Variants in BCLAF1 observed in about 807,000 individuals in gnomAD.
BCLAF1 encodes bcl-2-associated transcription factor 1.
A neutral mutation model predicts 99.5 loss-of-function variants in BCLAF1; 10 were observed. That is an observed-to-expected ratio of 0.10 (90% CI 0.06 to 0.17). The LOEUF is 0.17. Among genes scored for constraint, BCLAF1 ranks in the 10% least tolerant of loss-of-function variants. The pLI is 1.00. For missense variants in BCLAF1, 636 were observed against 1,105.8 expected (o/e 0.58, Z 6.02); for synonymous variants, 255 against 370.9 (o/e 0.69, Z 3.59).
rs36141174 is a variant in BCLAF1 at position 136,284,130 on chromosome 6, G to GTGTGTATATATATATA, written c.-114-1444_-114-1443insTATATATATATACACA. The stretch of plus-strand genomic sequence containing the variant: ...TATACATATATATGTGTGTGTGTGT[G>GTGTGTATATATATATA]TATATATATATATATATATATATAT... On this transcript the variant is annotated intron_variant, in intron 1 of 12. Coordinates refer to ENST00000531224, the MANE Select transcript of BCLAF1 (RefSeq NM_014739.3). Among the ~76,000 whole-genome samples, 144 of 122,084 alleles carry GTGTGTATATATATATA rather than the reference G, an allele frequency of 1.2e-3. 2 individuals carry two copies. Among genetic ancestry groups the GTGTGTATATATATATA allele is most frequent in the African/African-American group, 5.3e-3 (131 of 24,538 alleles). 80.1% of individuals were successfully genotyped at this position (122,084 alleles called of 152,430 possible). A position where few individuals can be genotyped will look rare whatever the true frequency, so the allele number is the denominator to read the frequency against.
chr6:136,259,917 A>G lies in BCLAF1; in HGVS notation c.*1193T>C. ...TTTAAGAGCTATCAATATAGACACA[A>G]AAGATAATTCACATTTGAAAAATTA... On this transcript the variant is annotated 3_prime_UTR_variant, in exon 13 of 13. Coordinates refer to ENST00000531224, the MANE Select transcript of BCLAF1 (RefSeq NM_014739.3). The G allele has an allele frequency of 6.6e-6, 1 of 152,026 alleles. No homozygotes were observed. Among genetic ancestry groups the G allele is most frequent in the East Asian group, 1.9e-4 (1 of 5,194 alleles). 9.4% of individuals were successfully genotyped at this position (152,026 alleles called of 1,614,324 possible). A position where few individuals can be genotyped will look rare whatever the true frequency, so the allele number is the denominator to read the frequency against.
intron 11 of BCLAF1, among the ~76,000 whole-genome samples, chr6:136,262,012 G>A (rs1039386350): frequency 2.0e-5 from 3 of 151,980 alleles, no homozygotes; most frequent in African/African-American, 7.3e-5. Flanking sequence ...AGTACATATC[G>A]ATGTTCTGGG....
chr6:136,280,715 T>C (rs1481944512), intron 2 of BCLAF1, among the ~76,000 whole-genome samples: 1 of 152,184 alleles, frequency 6.6e-6, no homozygotes, highest in Non-Finnish European at 1.5e-5. Context: ...TCAAAACTAA[T>C]TGATTTATAA....
intron 4 of BCLAF1, 29 bp downstream of exon 4, chr6:136,277,836 T>A (rs1783646602): frequency 6.3e-7 from 1 of 1,582,532 alleles, no homozygotes; most frequent in South Asian, 1.1e-5. Context: ...AACAATATTA[T>A]AATCTAGATT....
rs754034093 is a variant in BCLAF1 at position 136,278,224 on chromosome 6, A to G, written c.657T>C (p.Tyr219=). The change falls in exon 4 of 13, where the codon TAT becomes TAC. Residue 219 remains tyrosine, a synonymous_variant. Coordinates refer to ENST00000531224, the MANE Select transcript of BCLAF1 (RefSeq NM_014739.3). Reference sequence around the variant, plus strand: ...TATGGGGTGATCTAGGACTATTATCATAAGCTGAAAGGCCAGGCCAAATAT... The same window carrying G: ...TATGGGGTGATCTAGGACTATTATCGTAAGCTGAAAGGCCAGGCCAAATAT... The part of the protein sequence containing the change: ...SGDIWPGLSA[Y]DNSPRSPHSP... The G allele has an allele frequency of 3.7e-6, 6 of 1,614,198 alleles. No homozygotes were observed. The highest frequency in any genetic ancestry group is 3.3e-5 in the Admixed American group (2 of 60,002).
chr6:136,288,126 C>T (rs894868089), intron 1 of BCLAF1, among the ~76,000 whole-genome samples: 2 of 152,230 alleles, frequency 1.3e-5, no homozygotes, highest in African/African-American at 4.8e-5. Flanking sequence ...AAGAAGGGCT[C>T]TGGCTAAACA....
At chr6:136,271,389 T>G (rs1782507359) in intron 8 of BCLAF1, among the ~76,000 whole-genome samples, 1 of 151,842 alleles carries the variant, frequency 6.6e-6, no homozygotes, top group Non-Finnish European at 1.5e-5. Context: ...AAGAGTATAT[T>G]GGAGACCCCT....
Position 136,260,325 on chromosome 6 carries a change from C to A in BCLAF1, c.*785G>T, listed in dbSNP as rs1472068381. The A allele has an allele frequency of 3.3e-5, 5 of 151,948 alleles. No homozygotes were observed. Among genetic ancestry groups the A allele is most frequent in the Admixed American group, 3.3e-4 (5 of 15,246 alleles). 9.4% of individuals were successfully genotyped at this position (151,948 alleles called of 1,614,324 possible). ...TTTCTATTTGCAGTATTGTTACAAA[C>A]CAGTTTCCTCTCACAAATAGCTAAT... On this transcript the variant is annotated 3_prime_UTR_variant, in exon 13 of 13. Coordinates refer to ENST00000531224, the MANE Select transcript of BCLAF1 (RefSeq NM_014739.3).
intron 1 of BCLAF1, among the ~76,000 whole-genome samples, chr6:136,284,522 A>T (rs1232699087): frequency 6.6e-6 from 1 of 152,222 alleles, no homozygotes; most frequent in African/African-American, 2.4e-5. Context: ...AACAAATCAT[A>T]GTAAACTAAA....
Position 136,269,547 on chromosome 6 carries a change from T to C in BCLAF1, c.2109A>G (p.Glu703=), listed in dbSNP as rs758979441. The C allele has an allele frequency of 1.2e-6, 2 of 1,612,350 alleles. No homozygotes were observed. Among genetic ancestry groups the C allele is most frequent in the African/African-American group, 2.7e-5 (2 of 74,820 alleles). ...LRHDIDRRRK[E]RSKERGDSKG... ...TGGAATCTCCCCGTTCTTTACTTCT[T>C]TCTTTTCTACGGCGATCAATGTCAT... Residue 703 remains glutamate, a synonymous_variant, in exon 9 of 13, where the codon GAA becomes GAG. Coordinates refer to ENST00000531224, the MANE Select transcript of BCLAF1 (RefSeq NM_014739.3).
rs1783439165 is a variant in BCLAF1 at position 136,276,527 on chromosome 6, G to C, written c.1017-19C>G. Reference sequence around the variant, plus strand: ...TGTGAACCTGCGAATAAGCAAAGAAGAGGATAGTAACTCTGGATTGCATTC... The same window carrying C: ...TGTGAACCTGCGAATAAGCAAAGAACAGGATAGTAACTCTGGATTGCATTC... On this transcript the variant is annotated intron_variant, in intron 4 of 12. Coordinates refer to ENST00000531224, the MANE Select transcript of BCLAF1 (RefSeq NM_014739.3). 1.3e-6 allele frequency: 2 copies of C among 1,574,236 alleles called. No individual in the cohort carries two copies. The highest frequency in any genetic ancestry group is 1.7e-6 in the Non-Finnish European group (2 of 1,165,856).
chr6:136,272,926 T>C (rs980266846), intron 7 of BCLAF1, among the ~76,000 whole-genome samples, 156 bp downstream of exon 7: 5 of 151,964 alleles, frequency 3.3e-5, no homozygotes, highest in Non-Finnish European at 5.9e-5. Context: ...TCAAGAATTA[T>C]AGAATTTTCA....
At chr6:136,286,829 G>A (rs1190034097) in intron 1 of BCLAF1, among the ~76,000 whole-genome samples, 9 of 152,170 alleles carry the variant, frequency 5.9e-5, no homozygotes, top group Non-Finnish European at 1.0e-4. Context: ...TTAGACGGGC[G>A]TGGTGGCAGG....
At chr6:136,284,092 ATT>A in intron 1 of BCLAF1, among the ~76,000 whole-genome samples, 2 of 141,880 alleles carry the variant, frequency 1.4e-5, no homozygotes, top group African/African-American at 5.4e-5. Flanking sequence ...CAAAAGGCTA[ATT>A]TATATATATA....
intron 11 of BCLAF1, among the ~76,000 whole-genome samples, chr6:136,265,354 T>G (rs746391038): frequency 6.6e-6 from 1 of 152,210 alleles, no homozygotes; most frequent in Non-Finnish European, 1.5e-5. Context: ...GAACAGAACT[T>G]AATCTTTTGA....
intron 4 of BCLAF1, among the ~76,000 whole-genome samples, chr6:136,276,835 G>A (rs982209423): frequency 6.6e-6 from 1 of 152,026 alleles, no homozygotes; most frequent in African/African-American, 2.4e-5. Flanking sequence ...TTGAAACTAA[G>A]AACCACTAAT....
chr6:136,275,812 GATT>G (rs774807786), intron 5 of BCLAF1, 28 bp downstream of exon 5: 5 of 1,593,618 alleles, frequency 3.1e-6, no homozygotes, highest in Non-Finnish European at 4.3e-6. Context: ...ACTGCCCACA[GATT>G]ATTTACTGGG....
In BCLAF1 at chr6:136,257,434, G is replaced by A. The variant is rs900404978; in HGVS notation, c.*3676C>T. On this transcript the variant is annotated 3_prime_UTR_variant, in exon 13 of 13. Coordinates refer to ENST00000531224, the MANE Select transcript of BCLAF1 (RefSeq NM_014739.3). ...TCATTGACACAAGTTAATCATTACT[G>A]CATGTTTCTAAAACAATAGGAGTCC... 2.0e-5 allele frequency: 3 copies of A among 152,096 alleles called. No individual in the cohort carries two copies. Among genetic ancestry groups the A allele is most frequent in the Admixed American group, 6.5e-5 (1 of 15,274 alleles). 9.4% of individuals were successfully genotyped at this position (152,096 alleles called of 1,614,324 possible).
At chr6:136,284,580 G>A (rs946728774) in intron 1 of BCLAF1, among the ~76,000 whole-genome samples, 1 of 152,124 alleles carries the variant, frequency 6.6e-6, no homozygotes, top group Non-Finnish European at 1.5e-5. Flanking sequence ...GTGACTTAAA[G>A]TAAATAAAAT....
Sources: allele counts gnomAD v4.1 joint callset (sites outside exome capture counted in the v4.1 genomes callset), GRCh38; gene constraint gnomAD v4.1.1; transcripts MANE v1.5; gene names NCBI Gene and HGNC (gene_info 2026-07-23, HGNC 2026-07-21).